Variants in CUX2 observed in about 807,000 individuals in gnomAD.
CUX2 encodes the protein homeobox protein cut-like 2.
In CUX2, 40 loss-of-function variants were observed where a neutral mutation model predicts 144.8. The observed-to-expected ratio is 0.28, with a 90% CI of 0.21 to 0.36. CUX2 has a LOEUF of 0.36. Among genes scored for constraint, CUX2 ranks in the 10% least tolerant of loss-of-function variants. The pLI, the probability that CUX2 is intolerant of heterozygous loss-of-function variation, is 1.00. For synonymous variants in CUX2, 827 were observed against 875.6 expected (o/e 0.94, Z 0.98); for missense variants, 1,615 against 1,994.0 (o/e 0.81, Z 3.62).
chr12:111,107,952 C>T (rs1873710710), intron 1 of CUX2, among the ~76,000 whole-genome samples: 1 of 152,152 alleles, frequency 6.6e-6, no homozygotes, highest in Admixed American at 6.5e-5. Flanking sequence ...ATGGACTGAC[C>T]TGACTCAAAT....
intron 4 of CUX2, among the ~76,000 whole-genome samples, chr12:111,288,278 C>T (rs568480608): frequency 1.1e-3 from 170 of 152,080 alleles, no homozygotes; most frequent in Non-Finnish European, 9.0e-4. Flanking sequence ...GAAGTGAGGG[C>T]TTCTGCTTAC....
intron 1 of CUX2, among the ~76,000 whole-genome samples, chr12:111,187,201 A>C (rs1245906594): frequency 6.6e-6 from 1 of 152,152 alleles, no homozygotes; most frequent in Non-Finnish European, 1.5e-5. Context: ...TCCTGCTCAC[A>C]GTGCAATGCC....
At chr12:111,188,602 T>A (rs73415941) in intron 1 of CUX2, among the ~76,000 whole-genome samples, 2,282 of 151,972 alleles carry the variant, frequency 0.015, 52 homozygotes, top group African/African-American at 0.051. Flanking sequence ...GCCAGATGCT[T>A]GGCCAAAGAA....
At chr12:111,328,676 T>G (rs1887937292) in intron 18 of CUX2, among the ~76,000 whole-genome samples, 1 of 150,930 alleles carries the variant, frequency 6.6e-6, no homozygotes, top group Non-Finnish European at 1.5e-5. Context: ...CTCGGCTCAC[T>G]GTAACCTCCG....
At chr12:111,156,998 AAAAAAAAAAAACAG>A (rs1877426028) in intron 1 of CUX2, among the ~76,000 whole-genome samples, 2 of 151,012 alleles carry the variant, frequency 1.3e-5, no homozygotes, top group African/African-American at 4.9e-5. Context: ...AAAAAAAAAA[AAAAAAAAAAAACAG>A]AAACAGAAAC....
chr12:111,035,747 C>T lies in CUX2; in HGVS notation c.63+1507C>T, dbSNP rs1464421517. ...TTCCGAACGCCCCACTCCTCGCTCT[C>T]CCCCTCCCCCAAAGCCATTGAGCTG... On this transcript the variant is annotated intron_variant, in intron 1 of 21. Transcript: ENST00000261726. This position sits in a 1 kb window ranked among gnomAD's most constrained non-coding sequence, Gnocchi z 6.0. Among the ~76,000 whole-genome samples the T allele has an allele frequency of 6.6e-6, 1 of 152,052 alleles. No individual in the cohort carries two copies. The highest frequency in any genetic ancestry group is 1.5e-5 in the Non-Finnish European group (1 of 68,016).
chr12:111,079,590 G>A (rs561017045), intron 1 of CUX2, among the ~76,000 whole-genome samples: 1 of 152,162 alleles, frequency 6.6e-6, no homozygotes, highest in Admixed American at 6.5e-5. Context: ...AGACCTAGAA[G>A]AGCAAGATTT....
intron 1 of CUX2, among the ~76,000 whole-genome samples, chr12:111,205,182 G>A (rs917771820): frequency 2.6e-5 from 4 of 151,980 alleles, no homozygotes; most frequent in African/African-American, 4.8e-5. Flanking sequence ...GCAGGCCGGC[G>A]GGTGCCCTCC....
At chr12:111,240,536 G>A (rs1050540813) in intron 3 of CUX2, among the ~76,000 whole-genome samples, 1 of 152,240 alleles carries the variant, frequency 6.6e-6, no homozygotes, top group Non-Finnish European at 1.5e-5. Context: ...ATCAGTGTCA[G>A]CCCCTGGTCC....
chr12:111,298,711 G>C, intron 9 of CUX2, 122 bp downstream of exon 9: 1 of 1,087,490 alleles, frequency 9.2e-7, no homozygotes. Context: ...TGTGGGTCTT[G>C]TGCATGCCAA....
At chr12:111,044,746 G>T (rs959230503) in intron 1 of CUX2, among the ~76,000 whole-genome samples, 1 of 152,216 alleles carries the variant, frequency 6.6e-6, no homozygotes, top group East Asian at 1.9e-4. Context: ...TCCACAGGAG[G>T]GATGAGGTAG....
At chr12:111,338,970 C>T (rs1023573757) in intron 20 of CUX2, among the ~76,000 whole-genome samples, 1 of 152,120 alleles carries the variant, frequency 6.6e-6, no homozygotes. Context: ...CAGTGGCTCA[C>T]GCCTGTAATC....
At chr12:111,168,017 T>TAC (rs1878266464) in intron 1 of CUX2, among the ~76,000 whole-genome samples, 1 of 152,100 alleles carries the variant, frequency 6.6e-6, no homozygotes, top group African/African-American at 2.4e-5. Flanking sequence ...ATCCCCATTT[T>TAC]ACAGAGGAGG....
At chr12:111,217,385 T>C (rs1174851015) in intron 2 of CUX2, among the ~76,000 whole-genome samples, 1 of 152,152 alleles carries the variant, frequency 6.6e-6, no homozygotes, top group Non-Finnish European at 1.5e-5. Flanking sequence ...GAGAGGTGGC[T>C]ACAGGGTAGG....
At chr12:111,192,194 T>C (rs756046382) in intron 1 of CUX2, among the ~76,000 whole-genome samples, 7 of 151,694 alleles carry the variant, frequency 4.6e-5, no homozygotes, top group African/African-American at 7.3e-5. Context: ...TGGTGTGATC[T>C]CGGCTTACTA....
chr12:111,179,591 G>A lies in CUX2; in HGVS notation c.64-34609G>A, dbSNP rs563245531. ...ATTCCGGCTGATCTGAGCCATCGCC[G>A]TGGTTGTTGTTGTTGTTGTTGTTGT... is the stretch of plus-strand genomic sequence containing the variant. On this transcript the variant is annotated intron_variant, in intron 1 of 21. Transcript: ENST00000261726. Among the ~76,000 whole-genome samples, 60 of 146,808 alleles carry A rather than the reference G, an allele frequency of 4.1e-4. No homozygotes were observed. In the Middle Eastern group the frequency reaches 0.017, roughly 43 times the overall value.
Position 111,282,951 on chromosome 12 carries a change from G to A in CUX2, c.302-8467G>A, listed in dbSNP as rs57533930. Among the ~76,000 whole-genome samples, 59 of 152,158 alleles carry A rather than the reference G, an allele frequency of 3.9e-4. 1 individual carries two copies. The East Asian group carries it at 8.3e-3, about 21-fold the overall frequency. ...CCATAGGTCGGGTGTGGTGGCTCACGTCTGTAATCCCAGCACTTTGGAAGG... is the reference window on the plus strand; with the variant it reads ...CCATAGGTCGGGTGTGGTGGCTCACATCTGTAATCCCAGCACTTTGGAAGG... On this transcript the variant is annotated intron_variant, in intron 4 of 21. Transcript: ENST00000261726.
At position 111,310,288 on chromosome 12, in the gene CUX2, C is replaced by T. The variant is rs377024868; in HGVS notation, c.1506C>T (p.Gly502=). 6.0e-6 allele frequency: 9 copies of T among 1,490,524 alleles called. No individual in the cohort carries two copies. Among genetic ancestry groups the T allele is most frequent in the Non-Finnish European group, 7.2e-6 (8 of 1,117,084 alleles). 92.3% of individuals were successfully genotyped at this position (1,490,524 alleles called of 1,614,324 possible). A position where few individuals can be genotyped will look rare whatever the true frequency, so the allele number is the denominator to read the frequency against. Residue 502 remains glycine, a synonymous_variant, in exon 15 of 22, where the codon GGC becomes GGT. Transcript: ENST00000261726. The surrounding 1 kb of genome is among the most constrained non-coding windows in gnomAD (Gnocchi z 7.9). ...CAGCCGCCTTCAAGGGAGAGGCGGG[C>T]GGCCTGCTGGTGTTCCCCCCAGCCT... ...MPPAAFKGEA[G]GLLVFPPAFY... is the part of the protein sequence containing the mutation.
chr12:111,271,356 C>CT (rs1431306402), intron 4 of CUX2, among the ~76,000 whole-genome samples: 1 of 152,162 alleles, frequency 6.6e-6, no homozygotes, highest in Non-Finnish European at 1.5e-5. Context: ...TCCCTGTGTA[C>CT]TTTTTCAAAA....
Sources: allele counts gnomAD v4.1 joint callset (sites outside exome capture counted in the v4.1 genomes callset), GRCh38; gene constraint gnomAD v4.1.1; non-coding constraint Gnocchi (gnomAD v3.1); transcripts MANE v1.5; gene names NCBI Gene and HGNC (gene_info 2026-07-23, HGNC 2026-07-21).